Variants in TMEM178B observed in about 807,000 individuals in gnomAD.
The protein encoded by TMEM178B is transmembrane protein 178B.
A neutral mutation model predicts 31.0 loss-of-function variants in TMEM178B; 5 were observed. The ratio of observed to expected loss-of-function variants is 0.16; its 90% CI spans 0.08 to 0.34. TMEM178B has a LOEUF of 0.34. Among genes scored for constraint, TMEM178B ranks in the 10% least tolerant of loss-of-function variants. TMEM178B has a pLI of 1.00. For synonymous variants in TMEM178B, 164 were observed against 164.0 expected, an observed-to-expected ratio of 1.00 and a Z score of 0.00; for missense variants, 275 against 400.3, an observed-to-expected ratio of 0.69 and a Z score of 2.67.
chr7:141,167,780 C>T (rs1321365158), intron 1 of TMEM178B, among the ~76,000 whole-genome samples: 3 of 152,210 alleles, frequency 2.0e-5, no homozygotes, highest in African/African-American at 7.2e-5. Context: ...TGGACAGGGC[C>T]GGTGTGCCCT....
intron 2 of TMEM178B, among the ~76,000 whole-genome samples, chr7:141,416,848 A>C (rs1801108091): frequency 6.6e-6 from 1 of 152,210 alleles, no homozygotes. Flanking sequence ...ACGAGCATTT[A>C]CTTAACAAAA....
intron 2 of TMEM178B, among the ~76,000 whole-genome samples, chr7:141,370,104 A>T (rs2116566728): frequency 7.4e-6 from 1 of 135,664 alleles, no homozygotes; most frequent in Middle Eastern, 3.7e-3. Flanking sequence ...TGGAACCGGG[A>T]GGAACCCCCC....
chr7:141,227,872 C>G (rs952018902), intron 2 of TMEM178B, among the ~76,000 whole-genome samples: 1 of 152,138 alleles, frequency 6.6e-6, no homozygotes, highest in Non-Finnish European at 1.5e-5. Context: ...TTTAAAGGAT[C>G]GTAGTGACTG....
At chr7:141,500,871 G>T in the TMEM178B span, among the ~76,000 whole-genome samples, 1 of 152,166 alleles carries the variant, frequency 6.6e-6, no homozygotes, top group South Asian at 2.1e-4. Flanking sequence ...GGTGTGAAAG[G>T]ACCTCAGGCT....
At chr7:141,345,093 A>C (rs760352379) in intron 2 of TMEM178B, among the ~76,000 whole-genome samples, 2 of 152,254 alleles carry the variant, frequency 1.3e-5, no homozygotes, top group Non-Finnish European at 2.9e-5. Context: ...TCCTAAAGCA[A>C]GTAAAAAATT....
At chr7:141,382,245 C>G (rs1800331185) in intron 2 of TMEM178B, among the ~76,000 whole-genome samples, 1 of 152,190 alleles carries the variant, frequency 6.6e-6, no homozygotes, top group African/African-American at 2.4e-5. Context: ...TATCCAGACT[C>G]CTCATTATGA....
intron 2 of TMEM178B, among the ~76,000 whole-genome samples, chr7:141,238,555 A>G (rs765859289): frequency 1.3e-5 from 2 of 152,224 alleles, no homozygotes; most frequent in Non-Finnish European, 2.9e-5. Flanking sequence ...CAGACAGGGA[A>G]GTAATGCTTC....
intron 1 of TMEM178B, among the ~76,000 whole-genome samples, chr7:141,103,082 T>C (rs1186158617): frequency 6.6e-6 from 1 of 152,174 alleles, no homozygotes; most frequent in African/African-American, 2.4e-5. Flanking sequence ...TAGCACTTCG[T>C]GTCATTTGTG....
rs1799038598 is a variant in TMEM178B at position 141,318,210 on chromosome 7, C to A, written c.496+105506C>A. 6.6e-6 allele frequency among the ~76,000 whole-genome samples: 1 copy of A among 152,182 alleles called. No individual in the cohort carries two copies. Among genetic ancestry groups the A allele is most frequent in the Admixed American group, 6.5e-5 (1 of 15,276 alleles). The stretch of plus-strand genomic sequence containing the variant: ...ATTCAGTAACAGATCATTGAGCCTA[C>A]AACATGGCGTTCCCTATGTAAATGT... On this transcript the variant is annotated intron_variant, in intron 2 of 3. Coordinates refer to ENST00000565468, the MANE Select transcript of TMEM178B (RefSeq NM_001195278.2). This position sits in a 1 kb window ranked among gnomAD's most constrained non-coding sequence, Gnocchi z 4.1.
intron 1 of TMEM178B, among the ~76,000 whole-genome samples, chr7:141,083,152 A>G (rs1250949510): frequency 6.6e-6 from 1 of 152,166 alleles, no homozygotes; most frequent in Admixed American, 6.5e-5. Context: ...ACAAGCGTCT[A>G]TTTAGATGCA....
chr7:141,245,605 A>G lies in TMEM178B; in HGVS notation c.496+32901A>G, dbSNP rs192520377. On this transcript the variant is annotated intron_variant, in intron 2 of 3. Transcript: ENST00000565468. ...CTCTTCTGAGAATCCTCTCCTGCAA[A>G]CTCTCTCATTTCTGCAAATAGTGCT... 1.8e-4 allele frequency among the ~76,000 whole-genome samples: 27 copies of G among 152,190 alleles called. No homozygotes were observed. In the East Asian group the frequency reaches 4.1e-3, roughly 23 times the overall value.
At chr7:141,090,624 A>C (rs920359918) in intron 1 of TMEM178B, among the ~76,000 whole-genome samples, 6 of 152,174 alleles carry the variant, frequency 3.9e-5, no homozygotes, top group Non-Finnish European at 5.9e-5. Context: ...TTTCAAAATG[A>C]GTGGGTCAGT....
intron 1 of TMEM178B, among the ~76,000 whole-genome samples, chr7:141,109,612 T>C (rs1795202675): frequency 6.6e-6 from 1 of 152,202 alleles, no homozygotes; most frequent in African/African-American, 2.4e-5. Flanking sequence ...TGTGTCTTTC[T>C]CCTCACCATT....
At chr7:141,268,021 T>C (rs142066496) in intron 2 of TMEM178B, among the ~76,000 whole-genome samples, 16 of 152,374 alleles carry the variant, frequency 1.1e-4, no homozygotes, top group African/African-American at 3.6e-4. Flanking sequence ...TCTGCTTATA[T>C]AGACTTACAG....
At chr7:141,335,367 C>T (rs1299807459) in intron 2 of TMEM178B, among the ~76,000 whole-genome samples, 1 of 152,220 alleles carries the variant, frequency 6.6e-6, no homozygotes, top group East Asian at 1.9e-4. Context: ...TGCCTCAGCA[C>T]TTGGTGCTGG....
At chr7:141,493,002 G>A in the TMEM178B span, among the ~76,000 whole-genome samples, 4 of 152,160 alleles carry the variant, frequency 2.6e-5, no homozygotes, top group Admixed American at 1.3e-4. Flanking sequence ...AGGGAAAAGA[G>A]GGAAATGTAA....
At chr7:141,403,567 A>C (rs1800826467) in intron 2 of TMEM178B, among the ~76,000 whole-genome samples, 1 of 152,186 alleles carries the variant, frequency 6.6e-6, no homozygotes, top group African/African-American at 2.4e-5. Context: ...CACTTGCTTT[A>C]CTATGATCTT....
chr7:141,424,675 A>G (rs1022610692), intron 2 of TMEM178B, among the ~76,000 whole-genome samples: 4 of 152,164 alleles, frequency 2.6e-5, no homozygotes, highest in African/African-American at 9.7e-5. Context: ...AACCCAAAAA[A>G]GCCTCCCTGT....
chr7:141,454,190 C>T (rs529183662), intron 3 of TMEM178B, among the ~76,000 whole-genome samples: 18 of 152,162 alleles, frequency 1.2e-4, no homozygotes, highest in Non-Finnish European at 2.1e-4. Context: ...TTCCCAAAAG[C>T]CTCTGGCTCA....
Sources: gnomAD v4.1 joint callset for allele counts (sites outside exome capture counted in the v4.1 genomes callset) on GRCh38, gnomAD v4.1.1 for gene constraint, Gnocchi (gnomAD v3.1) non-coding constraint, MANE v1.5 for transcripts, NCBI Gene and HGNC (gene_info 2026-07-23, HGNC 2026-07-21) for gene names.